DOCK1: variants seen among roughly 807,000 people sequenced by gnomAD.
The protein encoded by DOCK1 is dedicator of cytokinesis 1.
In DOCK1, 138 loss-of-function variants were observed where a neutral mutation model predicts 262.7. The observed-to-expected ratio is 0.53, with a 90% confidence interval of 0.46 to 0.61. The LOEUF (loss-of-function observed/expected upper bound fraction) is 0.61. Ranked by LOEUF, DOCK1 falls within the 20% of genes least tolerant of loss-of-function variation. The pLI is 0.00. For missense variants in DOCK1, 1,908 were observed against 2,370.7 expected (o/e 0.80, Z 4.05); for synonymous variants, 866 against 867.4 (o/e 1.00, Z 0.03).
At chr10:127,201,038 C>T (rs1490619820) in intron 27 of DOCK1, among the ~76,000 whole-genome samples, 1 of 152,218 alleles carries the variant, frequency 6.6e-6, no homozygotes, top group Non-Finnish European at 1.5e-5. Context: ...AGCCAGTGCT[C>T]AACGCCTACG....
At chr10:127,254,761 C>G (rs1182397197) in intron 28 of DOCK1, among the ~76,000 whole-genome samples, 2 of 152,166 alleles carry the variant, frequency 1.3e-5, no homozygotes, top group Non-Finnish European at 2.9e-5. Flanking sequence ...TGGAAATTTC[C>G]TAAGTCTAAG....
Position 127,444,121 on chromosome 10 carries a change from T to G in DOCK1, c.5260-5T>G, listed in dbSNP as rs2070372694. ...AACTGTGCTCTTTCTGTCCTTTTGA[T>G]GTAGATAAGTCCCCTGCGGCCCCAG... On this transcript the variant is annotated splice_polypyrimidine_tract_variant and splice_region_variant and intron_variant, in intron 49 of 51. Transcript: ENST00000623213. The G allele has an allele frequency of 1.6e-5, 25 of 1,555,312 alleles. No individual in the cohort carries two copies. Among genetic ancestry groups the G allele is most frequent in the Non-Finnish European group, 2.2e-5 (25 of 1,149,380 alleles).
chr10:127,271,246 C>T (rs1295074344), intron 29 of DOCK1, among the ~76,000 whole-genome samples: 1 of 152,142 alleles, frequency 6.6e-6, no homozygotes, highest in African/African-American at 2.4e-5. Context: ...TAGCAAGGCT[C>T]AGCATGCTTG....
chr10:126,978,138 C>A, intron 3 of DOCK1, 150 bp downstream of exon 3: 1 of 760,110 alleles, frequency 1.3e-6, no homozygotes. Context: ...TGTGAACGAG[C>A]TTGGATTGTT....
At chr10:127,256,401 GA>G (rs1455685036) in intron 28 of DOCK1, among the ~76,000 whole-genome samples, 2 of 152,062 alleles carry the variant, frequency 1.3e-5, no homozygotes, top group Non-Finnish European at 2.9e-5. Context: ...AAATAAATGA[GA>G]AATATCCACT....
intron 1 of DOCK1, among the ~76,000 whole-genome samples, chr10:126,949,085 G>T (rs1046752428): frequency 1.1e-4 from 16 of 152,108 alleles, no homozygotes; most frequent in Non-Finnish European, 2.1e-4. Context: ...AGTGGTGCAC[G>T]TTCTGCTGGG....
chr10:127,085,525 C>T (rs2047144853), intron 23 of DOCK1, among the ~76,000 whole-genome samples: 1 of 152,062 alleles, frequency 6.6e-6, no homozygotes, highest in Non-Finnish European at 1.5e-5. Context: ...TTTGGGAGGC[C>T]GAGGCAGGCG....
At chr10:127,134,161 A>G (rs2050502304) in intron 27 of DOCK1, among the ~76,000 whole-genome samples, 2 of 152,306 alleles carry the variant, frequency 1.3e-5, no homozygotes, top group East Asian at 3.9e-4. Context: ...AGGAAAGGCC[A>G]GTATTTGATG....
intron 1 of DOCK1, among the ~76,000 whole-genome samples, chr10:126,968,119 C>T (rs1019337927): frequency 3.3e-5 from 5 of 152,124 alleles, no homozygotes; most frequent in Admixed American, 3.3e-4. Flanking sequence ...GCATGAGCTG[C>T]CACACCCGGC....
intron 3 of DOCK1, among the ~76,000 whole-genome samples, chr10:126,981,597 A>G (rs989110012): frequency 6.6e-6 from 1 of 152,198 alleles, no homozygotes; most frequent in Non-Finnish European, 1.5e-5. Flanking sequence ...CTTTTGAGAC[A>G]TCAGTTGGCC....
At chr10:127,183,704 A>G (rs1458028086) in intron 27 of DOCK1, among the ~76,000 whole-genome samples, 1 of 152,204 alleles carries the variant, frequency 6.6e-6, no homozygotes, top group Non-Finnish European at 1.5e-5. Context: ...GTGTGCACAG[A>G]GCGAAATTTT....
chr10:127,270,751 T>G (rs866619811), intron 29 of DOCK1, among the ~76,000 whole-genome samples: 2 of 152,068 alleles, frequency 1.3e-5, no homozygotes, highest in African/African-American at 2.4e-5. Context: ...CATTCTACCT[T>G]TTTACACGTC....
intron 27 of DOCK1, among the ~76,000 whole-genome samples, chr10:127,207,850 G>A (rs996605544): frequency 2.6e-5 from 4 of 152,184 alleles, no homozygotes; most frequent in Admixed American, 2.6e-4. Flanking sequence ...TTGGTCCACA[G>A]GCTATAGTTT....
At chr10:127,172,897 G>A (rs1368125234) in intron 27 of DOCK1, among the ~76,000 whole-genome samples, 2 of 152,198 alleles carry the variant, frequency 1.3e-5, no homozygotes, top group Admixed American at 1.3e-4. Context: ...ACTGTCTTAT[G>A]TATGTGGCTA....
At position 126,995,470 on chromosome 10, in the gene DOCK1, C is replaced by G. The variant is rs2040119290; in HGVS notation, c.474-1278C>G. On this transcript the variant is annotated intron_variant, in intron 6 of 51. Coordinates refer to ENST00000623213, the MANE Select transcript of DOCK1 (RefSeq NM_001290223.2). The surrounding 1 kb of genome is among the most constrained non-coding windows in gnomAD (Gnocchi z 5.8). ...CCGGGCCAACCCGGTGAAACCCCGT[C>G]TCCATCAAAAAATACGAAAACCAGT... Among the ~76,000 whole-genome samples, 1 of 152,220 alleles carries G rather than the reference C, an allele frequency of 6.6e-6. No individual in the cohort carries two copies. The highest frequency in any genetic ancestry group is 2.1e-4 in the South Asian group (1 of 4,838).
chr10:127,064,735 G>T lies in DOCK1; in HGVS notation c.2445+2959G>T, dbSNP rs79641516. Among the ~76,000 whole-genome samples, 1,383 of 152,310 alleles carry T rather than the reference G, an allele frequency of 9.1e-3. 32 individuals carry two copies. The highest frequency in any genetic ancestry group is 0.031 in the African/African-American group (1,299 of 41,570). On this transcript the variant is annotated intron_variant, in intron 23 of 51. Coordinates refer to ENST00000623213, the MANE Select transcript of DOCK1 (RefSeq NM_001290223.2). ...CTGGGGCTGCAGCCAAATACTTTTT[G>T]AAAACATACTGCCGTGGCCAAATAA... is the stretch of plus-strand genomic sequence containing the variant.
intron 23 of DOCK1, among the ~76,000 whole-genome samples, chr10:127,068,502 G>A (rs1468473568): frequency 1.9e-5 from 1 of 53,336 alleles, no homozygotes; most frequent in Non-Finnish European, 3.6e-5. Context: ...TTTCATAAAG[G>A]TATCAAGTCC....
chr10:127,429,076 ATGTGGATTGGGGTGCCG>A (rs971915772), intron 47 of DOCK1, among the ~76,000 whole-genome samples: 4 of 109,480 alleles, frequency 3.7e-5, no homozygotes, highest in East Asian at 3.2e-4. Flanking sequence ...TTGGGGTACC[ATGTGGATTGGGGTGCCG>A]TGTGGATTGG....
intron 33 of DOCK1, among the ~76,000 whole-genome samples, chr10:127,362,870 C>CACAT (rs1565026603): frequency 3.3e-5 from 4 of 120,898 alleles, no homozygotes; most frequent in African/African-American, 1.5e-4. Context: ...TCCCCACACA[C>CACAT]ACACATACAC....
Sources: gnomAD v4.1 joint callset for allele counts (sites outside exome capture counted in the v4.1 genomes callset) on GRCh38, gnomAD v4.1.1 for gene constraint, Gnocchi (gnomAD v3.1) non-coding constraint, MANE v1.5 for transcripts, NCBI Gene and HGNC (gene_info 2026-07-23, HGNC 2026-07-21) for gene names.